DOCK10: variants seen among roughly 807,000 people sequenced by gnomAD.
DOCK10 encodes the protein dedicator of cytokinesis 10.
In DOCK10, 145 loss-of-function variants were observed where a neutral mutation model predicts 280.1. That is an observed-to-expected ratio of 0.52 (90% CI 0.45 to 0.59). DOCK10 has a LOEUF of 0.59. DOCK10 is among the 20% of genes least tolerant of loss of function. The probability of loss-of-function intolerance (pLI) is 0.00; values close to 1 mark genes in which losing one functional copy is unlikely to be tolerated. For synonymous variants in DOCK10, 915 were observed against 942.2 expected (o/e 0.97, Z 0.53); for missense variants, 2,368 against 2,651.7 (o/e 0.89, Z 2.35).
chr2:224,863,457 CT>C (rs541352887), intron 13 of DOCK10, among the ~76,000 whole-genome samples: 20 of 148,256 alleles, frequency 1.3e-4, no homozygotes, highest in South Asian at 4.3e-4. Context: ...CTTTTCTTTT[CT>C]TTTTTTTTTA....
At chr2:224,777,692 C>T (rs1690975473) in intron 51 of DOCK10, among the ~76,000 whole-genome samples, 1 of 152,124 alleles carries the variant, frequency 6.6e-6, no homozygotes, top group Non-Finnish European at 1.5e-5. Flanking sequence ...GGGACTCCAC[C>T]CTGTGATCGT....
At position 224,921,092 on chromosome 2, in the gene DOCK10, TAAAAAAAAAAAAAAAAA is replaced by T. The variant is rs781152272; in HGVS notation, c.244-4325_244-4309del. On this transcript the variant is annotated intron_variant, in intron 2 of 55. Transcript: ENST00000258390. ...CAACATGGGAAAACACCGTCTCTAT[TAAAAAAAAAAAAAAAAA>T]AAAATATATATATATATATATATAT... Among the ~76,000 whole-genome samples the T allele has an allele frequency of 8.9e-4, 53 of 59,468 alleles. 2 individuals carry two copies. The highest frequency in any genetic ancestry group is 2.4e-3 in the African/African-American group (19 of 8,062). The allele number at this position is 59,468 out of a possible 152,430, so 39.0% of individuals were successfully genotyped here.
chr2:225,027,833 C>T (rs529099930), intron 1 of DOCK10, among the ~76,000 whole-genome samples: 32 of 152,246 alleles, frequency 2.1e-4, no homozygotes, highest in African/African-American at 7.2e-4. Context: ...TAACACAATC[C>T]TCATAAGAAT....
At chr2:224,782,648 A>T (rs1691435992) in intron 50 of DOCK10, among the ~76,000 whole-genome samples, 1 of 152,154 alleles carries the variant, frequency 6.6e-6, no homozygotes, top group Admixed American at 6.5e-5. Flanking sequence ...ATCAGTTTTA[A>T]ACTTGTTTTC....
At chr2:224,845,395 T>C in intron 20 of DOCK10, 71 bp from the exon 21 acceptor site, 1 of 1,538,756 alleles carries the variant, frequency 6.5e-7, no homozygotes, top group Non-Finnish European at 8.8e-7. Flanking sequence ...ATAATGCTAT[T>C]TATTATTTAC....
chr2:224,893,237 G>A (rs1467754008), intron 4 of DOCK10: 1 of 152,594 alleles, frequency 6.6e-6, no homozygotes, highest in African/African-American at 2.4e-5. Context: ...ATTCCATAGG[G>A]TTATGAGTAT....
chr2:224,833,711 A>C (rs1224769852), intron 26 of DOCK10, among the ~76,000 whole-genome samples: 1 of 151,708 alleles, frequency 6.6e-6, no homozygotes, highest in Non-Finnish European at 1.5e-5. Context: ...CAATGGCATG[A>C]TCTCGGCTCA....
At chr2:224,850,701 G>T (rs140299760) in intron 18 of DOCK10, among the ~76,000 whole-genome samples, 1 of 152,022 alleles carries the variant, frequency 6.6e-6, no homozygotes, top group Non-Finnish European at 1.5e-5. Context: ...TCCTGGGGCC[G>T]CTTCCCCCAT....
chr2:224,806,055 A>G lies in DOCK10; in HGVS notation c.3814+71T>C, dbSNP rs1207593227. The G allele has an allele frequency of 4.5e-6, 4 of 888,224 alleles. No individual in the cohort carries two copies. The African/African-American group carries it at 5.3e-5, about 12-fold the overall frequency. The allele number at this position is 888,224 out of a possible 1,614,324, so 55.0% of individuals were successfully genotyped here. On this transcript the variant is annotated intron_variant, in intron 34 of 55. Coordinates refer to ENST00000258390, the MANE Select transcript of DOCK10 (RefSeq NM_014689.3). ...GCATAATAAATTACGGACTGAGTAAAAAGCACAATGATATACAATGTAAAG... is the reference window on the plus strand; with the variant it reads ...GCATAATAAATTACGGACTGAGTAAGAAGCACAATGATATACAATGTAAAG...
At chr2:224,951,805 T>C (rs771725549) in intron 1 of DOCK10, among the ~76,000 whole-genome samples, 1 of 152,192 alleles carries the variant, frequency 6.6e-6, no homozygotes, top group Non-Finnish European at 1.5e-5. Flanking sequence ...TTCAGGCACA[T>C]GCAAGGTTGT....
chr2:224,855,679 TTAGAG>T (rs1201834509), intron 15 of DOCK10, among the ~76,000 whole-genome samples: 1 of 152,146 alleles, frequency 6.6e-6, no homozygotes, highest in Non-Finnish European at 1.5e-5. Context: ...CAATCTTCCT[TTAGAG>T]TAAAGTGGAA....
chr2:224,790,496 T>G (rs574524412), intron 47 of DOCK10, among the ~76,000 whole-genome samples: 13 of 152,332 alleles, frequency 8.5e-5, no homozygotes, highest in African/African-American at 3.1e-4. Context: ...AATACTTTTG[T>G]GGCATGTTTT....
Position 224,853,004 on chromosome 2 carries a change from T to C in DOCK10, c.2007A>G (p.Arg669=). 1 of 1,611,932 alleles carries C rather than the reference T, an allele frequency of 6.2e-7. No homozygotes were observed. The change falls in exon 17 of 56, where the codon AGA becomes AGG. Residue 669 remains arginine (R), a synonymous_variant. Coordinates refer to ENST00000258390, the MANE Select transcript of DOCK10 (RefSeq NM_014689.3). ...YDSTKYCRPY[R]VYKNQIYIYP... Reference sequence around the variant, plus strand: ...AAATATAAATTTGATTTTTATATACTCTGTAAGGCCGACAATACTTTGTTG... The same window carrying C: ...AAATATAAATTTGATTTTTATATACCCTGTAAGGCCGACAATACTTTGTTG...
intron 29 of DOCK10, among the ~76,000 whole-genome samples, chr2:224,819,113 G>A (rs1450742701): frequency 6.6e-6 from 1 of 152,166 alleles, no homozygotes; most frequent in Non-Finnish European, 1.5e-5. Flanking sequence ...GGACTTAAAG[G>A]TTTCCAGGGA....
intron 1 of DOCK10, among the ~76,000 whole-genome samples, chr2:224,958,089 AAATAAAGATAACCAC>A (rs1352750740): frequency 2.0e-5 from 3 of 152,180 alleles, no homozygotes; most frequent in African/African-American, 7.2e-5. Context: ...CTTATCTGCA[AAATAAAGATAACCAC>A]AGTATCTACT....
intron 6 of DOCK10, 126 bp downstream of exon 6, chr2:224,885,937 T>C (rs1699251460): frequency 6.7e-7 from 1 of 1,492,826 alleles, no homozygotes. Context: ...GCATCCTACT[T>C]CCTCATAAAT....
chr2:224,983,585 T>C (rs377414052), intron 1 of DOCK10: 3 of 316,764 alleles, frequency 9.5e-6, no homozygotes, highest in Admixed American at 3.9e-5. Context: ...AGGATTGTTT[T>C]GCTGTAACGT....
intron 3 of DOCK10, among the ~76,000 whole-genome samples, chr2:224,900,003 A>G (rs1414469372): frequency 2.6e-5 from 4 of 152,184 alleles, no homozygotes; most frequent in Admixed American, 2.6e-4. Context: ...GGCATTCACA[A>G]TATTGGACTG....
chr2:224,999,967 C>T (rs1209191740), intron 1 of DOCK10, among the ~76,000 whole-genome samples: 1 of 152,190 alleles, frequency 6.6e-6, no homozygotes, highest in African/African-American at 2.4e-5. Context: ...CTTCAGACAG[C>T]ATCCTGCCTG....
Sources: gnomAD v4.1 joint callset for allele counts (sites outside exome capture counted in the v4.1 genomes callset) on GRCh38, gnomAD v4.1.1 for gene constraint, MANE v1.5 for transcripts, NCBI Gene and HGNC (gene_info 2026-07-23, HGNC 2026-07-21) for gene names.